The following XPO5 variants were observed in gnomAD, a reference collection of about 807,000 sequenced individuals.
XPO5 encodes exportin-5.
A neutral mutation model predicts 160.6 loss-of-function variants in XPO5; 46 were observed. The observed-to-expected ratio is 0.29, with a 90% confidence interval of 0.23 to 0.37. XPO5 has a LOEUF of 0.37. Among genes scored for constraint, XPO5 ranks in the 10% least tolerant of loss-of-function variants. The pLI is 1.00. For synonymous variants in XPO5, 537 were observed against 519.3 expected (o/e 1.03, Z -0.46); for missense variants, 1,090 against 1,463.9 (o/e 0.74, Z 4.17).
At chr6:43,531,287 CAT>C (rs953103420) in intron 22 of XPO5, among the ~76,000 whole-genome samples, 190 bp downstream of exon 22, 1 of 152,194 alleles carries the variant, frequency 6.6e-6, no homozygotes, top group African/African-American at 2.4e-5. Flanking sequence ...TTGTGAGGCT[CAT>C]ATGACAATTA....
At position 43,549,923 on chromosome 6, in the gene XPO5, A is replaced by G. The variant is rs1204764070; in HGVS notation, c.1740T>C (p.Ser580=). Residue 580 remains serine (S), a synonymous_variant, in exon 16 of 32, where the codon TCT becomes TCC. Coordinates refer to ENST00000265351, the MANE Select transcript of XPO5 (RefSeq NM_020750.3). ...TTTCTTCAACAGTTTCAAAAGTGAC[A>G]GATGAAAATAGCTAAGGGAGAGGAG... ...LPQVFSKLFS[S]VTFETVEESK... 6.2e-7 allele frequency: 1 copy of G among 1,612,370 alleles called. No individual in the cohort carries two copies. The highest frequency in any genetic ancestry group is 8.5e-7 in the Non-Finnish European group (1 of 1,179,108).
chr6:43,524,809 C>T, intron 30 of XPO5, 22 bp downstream of exon 30: 1 of 1,612,060 alleles, frequency 6.2e-7, no homozygotes, highest in Non-Finnish European at 8.5e-7. Context: ...AGCCATCCTT[C>T]CCCCATGCCT....
intron 27 of XPO5, 157 bp from the exon 28 acceptor site, chr6:43,526,078 A>G (rs572165466): frequency 1.4e-6 from 1 of 689,754 alleles, no homozygotes; most frequent in East Asian, 2.8e-5. Flanking sequence ...CATAATGCCC[A>G]TGCCCATGGC....
chr6:43,533,734 C>T (rs1322337951), intron 21 of XPO5, 173 bp downstream of exon 21: 4 of 385,776 alleles, frequency 1.0e-5, no homozygotes, highest in African/African-American at 2.1e-5. Context: ...ACTCGGGAGG[C>T]TGAGGCAGGA....
At chr6:43,539,716 C>T (rs1273845042) in intron 20 of XPO5, 8 of 650,980 alleles carry the variant, frequency 1.2e-5, no homozygotes, top group South Asian at 1.9e-5. Context: ...GGTGTTTTCT[C>T]GGAGAAGAAG....
chr6:43,528,009 C>A, intron 25 of XPO5, 150 bp downstream of exon 25: 1 of 820,032 alleles, frequency 1.2e-6, no homozygotes. Context: ...AACAGCCTGT[C>A]CAGACAAGCC....
At position 43,566,190 on chromosome 6, in the gene XPO5, C is replaced by T. The variant is rs553327023; in HGVS notation, c.835-454G>A. Among the ~76,000 whole-genome samples the T allele has an allele frequency of 3.4e-4, 51 of 152,230 alleles. No individual in the cohort carries two copies. In the South Asian group the frequency reaches 8.7e-3, roughly 26 times the overall value. ...GGTGGATCACTTGAGGTCAAAAGTT[C>T]GAGACCAGCCTGGCCAACATAGTGA... On this transcript the variant is annotated intron_variant, in intron 7 of 31. Transcript: ENST00000265351.
chr6:43,543,548 A>G (rs1279634588), intron 20 of XPO5, among the ~76,000 whole-genome samples: 1 of 152,162 alleles, frequency 6.6e-6, no homozygotes, highest in East Asian at 1.9e-4. Context: ...GTATTAGGTA[A>G]AGTTGCTTCT....
At chr6:43,562,940 A>G (rs1197157264) in intron 8 of XPO5, among the ~76,000 whole-genome samples, 3 of 152,180 alleles carry the variant, frequency 2.0e-5, no homozygotes, top group Non-Finnish European at 4.4e-5. Context: ...GCCATGAAAA[A>G]TGTGTATTAG....
At position 43,538,139 on chromosome 6, in the gene XPO5, C is replaced by CTTTTTTT. The variant is rs1160662301; in HGVS notation, c.2343-4139_2343-4133dup. 2.6e-3 allele frequency among the ~76,000 whole-genome samples: 126 copies of CTTTTTTT among 48,956 alleles called. 11 individuals are homozygous for CTTTTTTT. The highest frequency in any genetic ancestry group is 1.0e-2 in the African/African-American group (121 of 12,126). The allele number at this position is 48,956 out of a possible 152,430, so 32.1% of individuals were successfully genotyped here. The stretch of plus-strand genomic sequence containing the variant: ...TATAAATTTAGAGCCTAAGAGACAT[C>CTTTTTTT]TTTTTTTTTTTTTTTTTTTTTTTTT... On this transcript the variant is annotated intron_variant, in intron 20 of 31. Coordinates refer to ENST00000265351, the MANE Select transcript of XPO5 (RefSeq NM_020750.3).
At chr6:43,574,700 AG>A (rs1339660421) in intron 1 of XPO5, among the ~76,000 whole-genome samples, 1 of 152,188 alleles carries the variant, frequency 6.6e-6, no homozygotes, top group African/African-American at 2.4e-5. Context: ...CCTTCGAGGC[AG>A]GGAGAGAGGA....
chr6:43,558,804 T>A (rs1762250974), intron 11 of XPO5: 1 of 449,944 alleles, frequency 2.2e-6, no homozygotes, highest in Admixed American at 4.0e-5. Flanking sequence ...ATACTTTTAG[T>A]TGATACCATC....
intron 31 of XPO5, 37 bp from the exon 32 acceptor site, chr6:43,524,042 C>CCTCAGTAGTAGTTAA: frequency 6.2e-7 from 1 of 1,601,186 alleles, no homozygotes; most frequent in African/African-American, 1.3e-5. Context: ...AATGCTGGGC[C>CCTCAGTAGTAGTTAA]CTCAGTAGTA....
intron 2 of XPO5, 97 bp downstream of exon 2, chr6:43,573,383 C>T (rs973088402): frequency 6.8e-7 from 1 of 1,476,014 alleles, no homozygotes; most frequent in Non-Finnish European, 9.2e-7. Flanking sequence ...TTGGAGATTG[C>T]TCTTCTCTAC....
intron 20 of XPO5, among the ~76,000 whole-genome samples, chr6:43,536,967 T>C (rs563215496): frequency 2.6e-5 from 4 of 151,226 alleles, no homozygotes; most frequent in Non-Finnish European, 5.9e-5. Flanking sequence ...ATTTTTGTTT[T>C]GTTTTTTGTT....
intron 2 of XPO5, 84 bp from the exon 3 acceptor site, chr6:43,572,662 A>G: frequency 7.5e-7 from 1 of 1,332,528 alleles, no homozygotes; most frequent in Non-Finnish European, 1.1e-6. Context: ...TCTACATTTG[A>G]TTACACTGGA....
At chr6:43,528,344 AC>A in intron 24 of XPO5, 139 bp from the exon 25 acceptor site, 1 of 776,236 alleles carries the variant, frequency 1.3e-6, no homozygotes, top group Non-Finnish European at 2.1e-6. Context: ...TAGACTCCAC[AC>A]CACAAGGTTA....
chr6:43,553,512 C>A lies in XPO5; in HGVS notation c.1442-9G>T. ...TCCAACTGCAGAACAAGCTTTAAAA[C>A]ACACACACACACATACACACACACA... On this transcript the variant is annotated splice_polypyrimidine_tract_variant and intron_variant, in intron 13 of 31. Transcript: ENST00000265351. 2 of 1,415,568 alleles carry A rather than the reference C, an allele frequency of 1.4e-6. No homozygotes were observed. Among genetic ancestry groups the A allele is most frequent in the South Asian group, 1.4e-5 (1 of 73,610 alleles). 87.7% of individuals were successfully genotyped at this position (1,415,568 alleles called of 1,614,324 possible).
intron 16 of XPO5, 36 bp downstream of exon 16, chr6:43,549,857 G>T (rs758501416): frequency 1.9e-6 from 3 of 1,582,516 alleles, no homozygotes; most frequent in South Asian, 1.1e-5. Flanking sequence ...TTGTACTCAA[G>T]AAGTTAGAAT....
Sources: gnomAD v4.1 joint callset for allele counts (sites outside exome capture counted in the v4.1 genomes callset) on GRCh38, gnomAD v4.1.1 for gene constraint, MANE v1.5 for transcripts, NCBI Gene and HGNC (gene_info 2026-07-23, HGNC 2026-07-21) for gene names.